NOL4L: variants seen among roughly 807,000 people sequenced by gnomAD.
The protein encoded by NOL4L is nucleolar protein 4-like.
In NOL4L, 7 loss-of-function variants were observed where a neutral mutation model predicts 64.5. The observed-to-expected ratio is 0.11, with a 90% CI of 0.06 to 0.20. The LOEUF (loss-of-function observed/expected upper bound fraction) is 0.20, where lower values mean the gene tolerates loss of function less well. NOL4L is among the 10% of genes least tolerant of loss of function. The pLI, the probability that NOL4L is intolerant of heterozygous loss-of-function variation, is 1.00. For missense variants in NOL4L, 680 were observed against 967.1 expected, an observed-to-expected ratio of 0.70 and a Z score of 3.94; for synonymous variants, 413 against 401.0, an observed-to-expected ratio of 1.03 and a Z score of -0.36.
At chr20:32,457,381 T>C (rs1044263998) in intron 5 of NOL4L, among the ~76,000 whole-genome samples, 2 of 152,196 alleles carry the variant, frequency 1.3e-5, no homozygotes, top group South Asian at 4.1e-4. Flanking sequence ...GCTCCACACC[T>C]GCACCCAGAG....
intron 1 of NOL4L, among the ~76,000 whole-genome samples, chr20:32,540,279 ACAGT>A (rs915752364): frequency 6.6e-5 from 10 of 152,228 alleles, no homozygotes; most frequent in Non-Finnish European, 1.2e-4. Flanking sequence ...CCACACACAC[ACAGT>A]CAGTCTGACA....
chr20:32,562,938 G>A (rs1600877674), intron 1 of NOL4L, among the ~76,000 whole-genome samples: 2 of 77,412 alleles, frequency 2.6e-5, no homozygotes, highest in Non-Finnish European at 5.6e-5. Context: ...TGGAGAAGGA[G>A]GGTGGAGGGG....
chr20:32,491,278 G>T (rs190831289), intron 4 of NOL4L, among the ~76,000 whole-genome samples: 7 of 152,276 alleles, frequency 4.6e-5, no homozygotes, highest in Admixed American at 2.6e-4. Context: ...GTGTGAGAAG[G>T]AAGTAGCAGA....
At position 32,475,309 on chromosome 20, in the gene NOL4L, C is replaced by T. The variant is rs1007047084; in HGVS notation, c.700-567G>A. The T allele has an allele frequency of 3.1e-5, 31 of 985,354 alleles. No homozygotes were observed. In the East Asian group the frequency reaches 6.8e-4, roughly 22 times the overall value. The allele number at this position is 985,354 out of a possible 1,614,324, so 61.0% of individuals were successfully genotyped here. A position where few individuals can be genotyped will look rare whatever the true frequency, so the allele number is the denominator to read the frequency against. ...TAACCTTTGCTGTGCTTCAAAGATA[C>T]GCTCTTGGGCAGCTTCCAGGGCTGA... On this transcript the variant is annotated intron_variant, in intron 4 of 10. Transcript: ENST00000621426.
chr20:32,468,887 C>T lies in NOL4L; in HGVS notation c.841+5714G>A, dbSNP rs1466930852. Among the ~76,000 whole-genome samples, 12 of 123,366 alleles carry T rather than the reference C, an allele frequency of 9.7e-5. No individual in the cohort carries two copies. In the East Asian group the frequency reaches 1.5e-3, roughly 15 times the overall value. 80.9% of individuals were successfully genotyped at this position (123,366 alleles called of 152,430 possible). On this transcript the variant is annotated intron_variant, in intron 5 of 10. Coordinates refer to ENST00000621426, the MANE Select transcript of NOL4L (RefSeq NM_001256798.2). ...TTGCACTCCAGCCTGGGCAACAGAG[C>T]GGGACTCCATCTCAAAAAAAAAAAA...
chr20:32,538,940 A>T (rs971185918), intron 1 of NOL4L, among the ~76,000 whole-genome samples: 1 of 149,512 alleles, frequency 6.7e-6, no homozygotes, highest in African/African-American at 2.5e-5. Context: ...GCTTCAAATC[A>T]GCATCTCAGC....
At chr20:32,579,458 T>C (rs1414259840) in intron 1 of NOL4L, among the ~76,000 whole-genome samples, 2 of 152,174 alleles carry the variant, frequency 1.3e-5, no homozygotes, top group African/African-American at 4.8e-5. Flanking sequence ...GCCCTCCACT[T>C]GGTCCCCAGA....
At chr20:32,459,445 G>C (rs151036617) in intron 5 of NOL4L, among the ~76,000 whole-genome samples, 1,581 of 150,486 alleles carry the variant, frequency 0.011, 36 homozygotes, top group African/African-American at 0.037. Flanking sequence ...GTGCAATGGG[G>C]CGATCTTGGC....
At chr20:32,502,368 G>A (rs926344603) in intron 4 of NOL4L, among the ~76,000 whole-genome samples, 5 of 151,942 alleles carry the variant, frequency 3.3e-5, no homozygotes, top group Non-Finnish European at 5.9e-5. Context: ...CGAGGCAGGC[G>A]GATCACCTGA....
chr20:32,485,494 A>C, intron 4 of NOL4L: 4 of 291,334 alleles, frequency 1.4e-5, no homozygotes, highest in South Asian at 1.2e-4. Context: ...TCTGCTGTCA[A>C]TAGAAAACTC....
intron 4 of NOL4L, among the ~76,000 whole-genome samples, chr20:32,478,468 C>G (rs562993063): frequency 2.0e-5 from 3 of 152,318 alleles, no homozygotes; most frequent in Admixed American, 6.5e-5. Context: ...TGGGGAGACA[C>G]TGTGGACACA....
At chr20:32,447,927 G>GTT (rs201048795) in intron 10 of NOL4L, 111 bp from the exon 11 acceptor site, 7 of 1,377,156 alleles carry the variant, frequency 5.1e-6, no homozygotes, top group Non-Finnish European at 6.8e-6. Flanking sequence ...ACTGTGAGTT[G>GTT]GGCACTGAAG....
chr20:32,467,128 C>T lies in NOL4L; in HGVS notation c.841+7473G>A, dbSNP rs78518745. On this transcript the variant is annotated intron_variant, in intron 5 of 10. Coordinates refer to ENST00000621426, the MANE Select transcript of NOL4L (RefSeq NM_001256798.2). ...CTTCCTGCCTGATCCCTCACTTGAA[C>T]GGCTTCACGCTGTGCTGGGGACACC... Among the ~76,000 whole-genome samples, 342 of 152,314 alleles carry T rather than the reference C, an allele frequency of 2.2e-3. 3 individuals carry two copies. The highest frequency in any genetic ancestry group is 7.7e-3 in the African/African-American group (322 of 41,574).
chr20:32,535,378 A>G (rs1360742332), intron 1 of NOL4L: 3 of 157,640 alleles, frequency 1.9e-5, no homozygotes, highest in African/African-American at 7.2e-5. Flanking sequence ...GGATGGGACC[A>G]CACTCTCCCC....
intron 1 of NOL4L, among the ~76,000 whole-genome samples, chr20:32,563,612 T>C (rs1237418638): frequency 6.6e-6 from 1 of 151,962 alleles, no homozygotes; most frequent in Non-Finnish European, 1.5e-5. Context: ...CCCAAGGCAA[T>C]GGCAGTGGTG....
At chr20:32,481,650 A>G (rs2015720691) in intron 4 of NOL4L, among the ~76,000 whole-genome samples, 1 of 152,020 alleles carries the variant, frequency 6.6e-6, no homozygotes, top group African/African-American at 2.4e-5. Context: ...CTGTCTTAAA[A>G]CCCTGCTCTA....
chr20:32,485,410 C>A, intron 4 of NOL4L: 1 of 209,936 alleles, frequency 4.8e-6, no homozygotes, highest in Non-Finnish European at 1.0e-5. Context: ...CAGCGTTTAC[C>A]CGTCAGAAAA....
intron 1 of NOL4L, among the ~76,000 whole-genome samples, chr20:32,583,109 G>A (rs1437602558): frequency 6.6e-6 from 1 of 152,062 alleles, no homozygotes; most frequent in Non-Finnish European, 1.5e-5. Context: ...GGTCCGGCCG[G>A]AGGCGGCAGC....
At chr20:32,573,524 C>T (rs1979897810) in intron 1 of NOL4L, 1 of 152,886 alleles carries the variant, frequency 6.5e-6, no homozygotes, top group Non-Finnish European at 1.5e-5. Context: ...ATCACAGCTT[C>T]CTTTCATTGA....
Sources: gnomAD v4.1 joint callset for allele counts (sites outside exome capture counted in the v4.1 genomes callset) on GRCh38, gnomAD v4.1.1 for gene constraint, MANE v1.5 for transcripts, NCBI Gene and HGNC (gene_info 2026-07-23, HGNC 2026-07-21) for gene names.